The following PIK3R4 variants were observed in gnomAD, a reference collection of about 807,000 sequenced individuals.
The protein encoded by PIK3R4 is phosphoinositide-3-kinase regulatory subunit 4, also known as phosphoinositide 3-kinase regulatory subunit 4.
In PIK3R4, 46 loss-of-function variants were observed where a neutral mutation model predicts 136.5. That is an observed-to-expected ratio of 0.34 (90% CI 0.27 to 0.43). PIK3R4 has a LOEUF of 0.43. Ranked by LOEUF, PIK3R4 falls within the 20% of genes least tolerant of loss-of-function variation. The probability of loss-of-function intolerance (pLI) is 1.00; values close to 1 mark genes in which losing one functional copy is unlikely to be tolerated. For synonymous variants in PIK3R4, 557 were observed against 566.7 expected (o/e 0.98, Z 0.24); for missense variants, 1,331 against 1,649.5 (o/e 0.81, Z 3.35).
chr3:130,712,398 G>A, intron 9 of PIK3R4, among the ~76,000 whole-genome samples: 1 of 152,096 alleles, frequency 6.6e-6, no homozygotes, highest in East Asian at 1.9e-4. Flanking sequence ...GCCGGGCGAG[G>A]TGGCTCACGC....
At chr3:130,713,152 A>T (rs147455534) in intron 9 of PIK3R4, among the ~76,000 whole-genome samples, 346 of 152,328 alleles carry the variant, frequency 2.3e-3, no homozygotes, top group African/African-American at 7.9e-3. Context: ...GCTTTCAAAA[A>T]ACCGGAAGCT....
At position 130,681,077 on chromosome 3, in the gene PIK3R4, T is replaced by TA; in HGVS notation, c.3709-13dup. ...CTATGAGGAGAAGGCTTAAAAGAAA[T>TA]AGATGTGGAGTCAAATAAAAGACAT... On this transcript the variant is annotated splice_polypyrimidine_tract_variant and intron_variant, in intron 17 of 19. Coordinates refer to ENST00000356763, the MANE Select transcript of PIK3R4 (RefSeq NM_014602.3). The TA allele has an allele frequency of 1.4e-6, 2 of 1,414,210 alleles. No homozygotes were observed. Among genetic ancestry groups the TA allele is most frequent in the Non-Finnish European group, 2.0e-6 (2 of 997,800 alleles). 87.6% of individuals were successfully genotyped at this position (1,414,210 alleles called of 1,614,324 possible). A position where few individuals can be genotyped will look rare whatever the true frequency, so the allele number is the denominator to read the frequency against.
At chr3:130,715,093 A>T (rs994293653) in intron 9 of PIK3R4, among the ~76,000 whole-genome samples, 3 of 147,512 alleles carry the variant, frequency 2.0e-5, no homozygotes, top group Non-Finnish European at 4.5e-5. Flanking sequence ...ATTTCTCCAC[A>T]GCCTCCCCAG....
chr3:130,723,246 C>T (rs2066712835), intron 7 of PIK3R4, among the ~76,000 whole-genome samples, 168 bp downstream of exon 7: 1 of 151,888 alleles, frequency 6.6e-6, no homozygotes, highest in African/African-American at 2.4e-5. Flanking sequence ...CTCTCACATA[C>T]ATATAAGCAT....
chr3:130,717,402 T>A (rs2066671449), intron 8 of PIK3R4, among the ~76,000 whole-genome samples: 1 of 152,188 alleles, frequency 6.6e-6, no homozygotes, highest in African/African-American at 2.4e-5. Flanking sequence ...AACTTTTAAA[T>A]AGAGTAACTA....
At chr3:130,728,706 A>AG in intron 5 of PIK3R4, 22 bp from the exon 6 acceptor site, 1 of 1,422,054 alleles carries the variant, frequency 7.0e-7, no homozygotes, top group Non-Finnish European at 9.6e-7. Context: ...AAAAAAAGAA[A>AG]GAAAGAAAGA....
chr3:130,739,361 C>A (rs1038798738), intron 2 of PIK3R4, among the ~76,000 whole-genome samples: 4 of 152,070 alleles, frequency 2.6e-5, no homozygotes, highest in Non-Finnish European at 4.4e-5. Flanking sequence ...CAGGCGTGAG[C>A]GACCGCGCTG....
chr3:130,687,828 C>T (rs1337235402), intron 14 of PIK3R4, among the ~76,000 whole-genome samples: 1 of 152,146 alleles, frequency 6.6e-6, no homozygotes, highest in Admixed American at 6.6e-5. Flanking sequence ...TTTGACACCA[C>T]AAGATGCTCC....
intron 9 of PIK3R4, 66 bp from the exon 10 acceptor site, chr3:130,708,558 G>T: frequency 3.6e-6 from 5 of 1,379,726 alleles, no homozygotes; most frequent in South Asian, 1.3e-5. Context: ...GCCTCAGAAT[G>T]ACTAACAACT....
At chr3:130,720,458 C>T (rs529663182) in intron 7 of PIK3R4, among the ~76,000 whole-genome samples, 1 of 152,246 alleles carries the variant, frequency 6.6e-6, no homozygotes, top group East Asian at 1.9e-4. Flanking sequence ...GCCTCCCAAT[C>T]AATCTTTTCT....
Position 130,745,025 on chromosome 3 carries a change from G to A in PIK3R4, c.194C>T (p.Thr65Ile), listed in dbSNP as rs2066844946. 1.2e-6 allele frequency: 2 copies of A among 1,613,676 alleles called. No individual in the cohort carries two copies. Among genetic ancestry groups the A allele is most frequent in the East Asian group, 4.5e-5 (2 of 44,844 alleles). ...TTCCTCCAGCTCTTGTTTATAGCTG[G>A]TTAAAGGCAATGTGGGATCCTGAAT... ...FAIQDPTLPL[T>I]SYKQELEELK... Residue 65 changes from threonine (T) to isoleucine (I), a missense_variant, in exon 2 of 20, where the codon ACC becomes ATC. Thr to Ile is a moderately conservative substitution (Grantham distance 89). Transcript: ENST00000356763.
intron 11 of PIK3R4, among the ~76,000 whole-genome samples, chr3:130,706,562 C>T (rs191006656): frequency 7.2e-4 from 110 of 152,228 alleles, no homozygotes; most frequent in Admixed American, 6.5e-3. Context: ...ATTTATCACA[C>T]GTAGGAAATT....
intron 6 of PIK3R4, among the ~76,000 whole-genome samples, chr3:130,726,231 C>T (rs542483497): frequency 3.2e-4 from 48 of 151,590 alleles, no homozygotes; most frequent in Non-Finnish European, 5.0e-4. Context: ...ATAGTTTAGA[C>T]CTATCAAATT....
intron 13 of PIK3R4, among the ~76,000 whole-genome samples, chr3:130,703,000 C>T (rs1454833735): frequency 6.6e-6 from 1 of 152,170 alleles, no homozygotes; most frequent in Non-Finnish European, 1.5e-5. Flanking sequence ...CATACTGCTA[C>T]CAAGCGACCA....
intron 13 of PIK3R4, among the ~76,000 whole-genome samples, chr3:130,698,407 G>T (rs1291496521): frequency 6.6e-6 from 1 of 151,806 alleles, no homozygotes. Context: ...TTTCTTCTTT[G>T]TACCTCTGAC....
At chr3:130,681,664 A>T (rs2066459280) in intron 16 of PIK3R4, 73 bp from the exon 17 acceptor site, 1 of 853,580 alleles carries the variant, frequency 1.2e-6, no homozygotes, top group Admixed American at 2.3e-5. Flanking sequence ...AACAAATTGC[A>T]GTCCTGAGAG....
chr3:130,739,767 T>C (rs989974608), intron 2 of PIK3R4, among the ~76,000 whole-genome samples: 2 of 152,198 alleles, frequency 1.3e-5, no homozygotes, highest in African/African-American at 2.4e-5. Flanking sequence ...TGGGAAGACT[T>C]TGACCAGATG....
intron 15 of PIK3R4, 29 bp downstream of exon 15, chr3:130,686,182 C>A (rs777952060): frequency 6.8e-7 from 1 of 1,474,960 alleles, no homozygotes; most frequent in South Asian, 1.1e-5. Context: ...GCATTCAAAA[C>A]CCAGCCAATG....
rs1559818501 is a variant in PIK3R4 at position 130,681,574 on chromosome 3, C to G, written c.3625G>C (p.Glu1209Gln). 1 of 1,608,162 alleles carries G rather than the reference C, an allele frequency of 6.2e-7. No homozygotes were observed. The highest frequency in any genetic ancestry group is 1.7e-5 in the Admixed American group (1 of 59,972). Residue 1209 changes from glutamate (E) to glutamine (Q), a missense_variant, in exon 17 of 20, where the codon GAA becomes CAA. Physicochemically the swap from Glu to Gln is conservative, Grantham distance 29. Transcript: ENST00000356763. ...WVIAAVQGNN[E>Q]VSMWDMETGD... Reference sequence around the variant, plus strand: ...GTCTCCATGTCCCACATGGACACTTCGTTGTTGCCCTGAACAGCTAAAGGA... The same window carrying G: ...GTCTCCATGTCCCACATGGACACTTGGTTGTTGCCCTGAACAGCTAAAGGA...
Sources: gnomAD v4.1 joint callset for allele counts (sites outside exome capture counted in the v4.1 genomes callset) on GRCh38, gnomAD v4.1.1 for gene constraint, MANE v1.5 for transcripts, NCBI Gene and HGNC (gene_info 2026-07-23, HGNC 2026-07-21) for gene names.